The following RASEF variants were observed in gnomAD, a reference collection of about 807,000 sequenced individuals.
The protein encoded by RASEF is RAS and EF-hand domain containing.
RASEF carries 68 observed loss-of-function variants against 90.1 expected under a neutral mutation model. The observed-to-expected ratio is 0.75, with a 90% CI of 0.62 to 0.92. RASEF has a LOEUF of 0.92. Ranked by LOEUF, RASEF falls within the 40% of genes least tolerant of loss-of-function variation. RASEF has a pLI of 0.00. For missense variants in RASEF, 949 were observed against 937.2 expected (o/e 1.01, Z -0.16); for synonymous variants, 331 against 345.2 (o/e 0.96, Z 0.46).
intron 1 of RASEF, among the ~76,000 whole-genome samples, chr9:83,029,252 T>C (rs1829599748): frequency 2.0e-5 from 3 of 152,110 alleles, no homozygotes; most frequent in Admixed American, 2.0e-4. Flanking sequence ...AGCTAAACTC[T>C]GGCAGAAGAA....
At chr9:83,128,021 T>C in the RASEF span, among the ~76,000 whole-genome samples, 2 of 110,634 alleles carry the variant, frequency 1.8e-5, no homozygotes, top group African/African-American at 3.9e-5. Context: ...TTTATTTTTC[T>C]TTTCTTTTTT....
chr9:83,153,990 C>A, the RASEF span, among the ~76,000 whole-genome samples: 13 of 152,198 alleles, frequency 8.5e-5, no homozygotes, highest in Admixed American at 8.5e-4. Flanking sequence ...TAGCGTATAG[C>A]GTCTCAACAT....
chr9:83,182,218 C>T, the RASEF span, among the ~76,000 whole-genome samples: 6 of 152,332 alleles, frequency 3.9e-5, no homozygotes, highest in Middle Eastern at 3.4e-3. Flanking sequence ...AACACTGCTG[C>T]ATCGGGTCTG....
At chr9:83,206,269 C>A in the RASEF span, among the ~76,000 whole-genome samples, 1 of 152,176 alleles carries the variant, frequency 6.6e-6, no homozygotes, top group Non-Finnish European at 1.5e-5. Context: ...TATTCCTAAT[C>A]TGGGTTTATT....
chr9:83,146,597 ACT>A, the RASEF span, among the ~76,000 whole-genome samples: 1 of 151,942 alleles, frequency 6.6e-6, no homozygotes, highest in Non-Finnish European at 1.5e-5. Flanking sequence ...AAAGTTGAAA[ACT>A]CTTATCGAAT....
chr9:83,048,891 G>T, intron 1 of RASEF: 2 of 406,772 alleles, frequency 4.9e-6, no homozygotes, highest in Non-Finnish European at 6.6e-6. Context: ...CACTTTGGGA[G>T]GCCGAGGAAG....
chr9:83,006,305 TC>T (rs1180815045), intron 7 of RASEF, among the ~76,000 whole-genome samples: 1 of 152,228 alleles, frequency 6.6e-6, no homozygotes, highest in African/African-American at 2.4e-5. Flanking sequence ...ATTTCTGTCT[TC>T]TTCCCCTAAA....
At chr9:83,026,372 A>T (rs1829548684) in intron 1 of RASEF, among the ~76,000 whole-genome samples, 1 of 152,330 alleles carries the variant, frequency 6.6e-6, no homozygotes, top group African/African-American at 2.4e-5. Context: ...TAATTTATAC[A>T]TAAAAGAGCT....
the RASEF span, among the ~76,000 whole-genome samples, chr9:83,218,873 GCCACATA>G: frequency 3.9e-5 from 6 of 152,138 alleles, no homozygotes; most frequent in African/African-American, 7.2e-5. Flanking sequence ...ATTTACAGAA[GCCACATA>G]CCTGTGTGTC....
the RASEF span, among the ~76,000 whole-genome samples, chr9:83,160,242 G>A: frequency 2.6e-5 from 4 of 152,100 alleles, no homozygotes; most frequent in African/African-American, 9.7e-5. Context: ...AGAAAAATGG[G>A]GGAAAGTTTG....
At chr9:83,055,130 G>T (rs1213303759) in intron 1 of RASEF, 1 of 166,328 alleles carries the variant, frequency 6.0e-6, no homozygotes, top group East Asian at 1.8e-4. Context: ...AATGGCGGGC[G>T]CCCCTCCCCC....
chr9:83,000,037 A>G (rs1828997822), intron 12 of RASEF, 132 bp downstream of exon 12: 1 of 689,672 alleles, frequency 1.4e-6, no homozygotes, highest in African/African-American at 1.9e-5. Context: ...ACACACACAC[A>G]TTTATATATG....
chr9:83,149,036 C>A, the RASEF span, among the ~76,000 whole-genome samples: 3 of 152,222 alleles, frequency 2.0e-5, no homozygotes, highest in Non-Finnish European at 4.4e-5. Flanking sequence ...ACAGCAACCA[C>A]CCCATCATCT....
At chr9:83,001,246 G>A (rs937589448) in intron 9 of RASEF, 116 bp from the exon 10 acceptor site, 12 of 680,270 alleles carry the variant, frequency 1.8e-5, no homozygotes, top group East Asian at 2.7e-5. Context: ...GCTAAGAGCC[G>A]CAGTGTTATT....
chr9:83,060,680 C>A (rs563275321), intron 1 of RASEF, among the ~76,000 whole-genome samples: 1 of 152,308 alleles, frequency 6.6e-6, no homozygotes, highest in Admixed American at 6.5e-5. Flanking sequence ...TAGAATTAAT[C>A]CAATTTACCA....
Position 83,045,664 on chromosome 9 carries a change from T to C in RASEF, c.431+16773A>G, listed in dbSNP as rs370369679. 2.2e-4 allele frequency among the ~76,000 whole-genome samples: 33 copies of C among 152,368 alleles called. No homozygotes were observed. In the East Asian group the frequency reaches 3.9e-3, roughly 18 times the overall value. The stretch of plus-strand genomic sequence containing the variant: ...TTCTGTCTTTGTGCCTTGCTGGAGC[T>C]TCCCATGAGTTCTGGACTCAAGATG... On this transcript the variant is annotated intron_variant, in intron 1 of 16. Transcript: ENST00000376447.
chr9:83,176,429 A>G, the RASEF span, among the ~76,000 whole-genome samples: 2 of 151,912 alleles, frequency 1.3e-5, no homozygotes, highest in Admixed American at 6.6e-5. Flanking sequence ...CTCTTTTTCT[A>G]TCCTATCTGA....
the RASEF span, among the ~76,000 whole-genome samples, chr9:83,119,172 A>ATTTTTTT: frequency 8.4e-6 from 1 of 119,416 alleles, no homozygotes; most frequent in Non-Finnish European, 1.7e-5. Context: ...CATGCGGGCT[A>ATTTTTTT]TTTTTTTTTT....
At chr9:83,114,406 A>T in the RASEF span, among the ~76,000 whole-genome samples, 1 of 152,306 alleles carries the variant, frequency 6.6e-6, no homozygotes, top group East Asian at 1.9e-4. Context: ...TTTGTGGAGC[A>T]TGTGTGTTTG....
Sources: allele counts gnomAD v4.1 joint callset (sites outside exome capture counted in the v4.1 genomes callset), GRCh38; gene constraint gnomAD v4.1.1; transcripts MANE v1.5; gene names NCBI Gene and HGNC (gene_info 2026-07-23, HGNC 2026-07-21).